FILIP1L: variants seen among roughly 807,000 people sequenced by gnomAD.
FILIP1L encodes the protein filamin A interacting protein 1 like.
FILIP1L carries 55 observed loss-of-function variants against 96.6 expected under a neutral mutation model. That is an observed-to-expected ratio of 0.57 (90% CI 0.46 to 0.71). The LOEUF (loss-of-function observed/expected upper bound fraction) is 0.71, where lower values mean the gene tolerates loss of function less well. FILIP1L is among the 30% of genes least tolerant of loss of function. The pLI is 0.00. For synonymous variants in FILIP1L, 467 were observed against 473.9 expected (o/e 0.99, Z 0.19); for missense variants, 1,304 against 1,321.2 (o/e 0.99, Z 0.20).
At chr3:100,082,480 T>G (rs1463943142) in intron 1 of FILIP1L, among the ~76,000 whole-genome samples, 1 of 152,194 alleles carries the variant, frequency 6.6e-6, no homozygotes, top group African/African-American at 2.4e-5. Flanking sequence ...TATTTTCTTC[T>G]ATCAGTGAGA....
At chr3:99,959,841 A>G (rs947312982) in intron 1 of FILIP1L, among the ~76,000 whole-genome samples, 2 of 152,190 alleles carry the variant, frequency 1.3e-5, no homozygotes, top group East Asian at 1.9e-4. Flanking sequence ...CAGTAAGATT[A>G]TGAGCATGGT....
chr3:100,013,214 GTGTTGTTGTTGTTGT>G (rs35047568), intron 1 of FILIP1L, among the ~76,000 whole-genome samples: 8 of 145,414 alleles, frequency 5.5e-5, no homozygotes, highest in Non-Finnish European at 6.0e-5. Flanking sequence ...GGCCAGTGAG[GTGTTGTTGTTGTTGT>G]TGTTGTTGTT....
At position 99,977,782 on chromosome 3, in the gene FILIP1L, T is replaced by C. The variant is rs145336226; in HGVS notation, c.-10-46752A>G. On this transcript the variant is annotated intron_variant, in intron 1 of 5. Transcript: ENST00000477258. ...CTACTGGGTCAGTTCCTTCATAAACTAGTTAACTTACTTTGTCTGATGGCC... is the reference window on the plus strand; with the variant it reads ...CTACTGGGTCAGTTCCTTCATAAACCAGTTAACTTACTTTGTCTGATGGCC... Among the ~76,000 whole-genome samples, 688 of 152,300 alleles carry C rather than the reference T, an allele frequency of 4.5e-3. 7 individuals are homozygous for C. Among genetic ancestry groups the C allele is most frequent in the African/African-American group, 0.016 (674 of 41,564 alleles).
At chr3:100,023,981 A>G (rs1214226827) in intron 1 of FILIP1L, among the ~76,000 whole-genome samples, 1 of 152,152 alleles carries the variant, frequency 6.6e-6, no homozygotes, top group Non-Finnish European at 1.5e-5. Flanking sequence ...ATACCAACCT[A>G]TGATTCTCAG....
intron 1 of FILIP1L, among the ~76,000 whole-genome samples, chr3:100,093,028 C>T (rs1159487475): frequency 6.6e-6 from 1 of 151,758 alleles, no homozygotes; most frequent in Non-Finnish European, 1.5e-5. Flanking sequence ...TTCATAAATA[C>T]GTTGAAGGAG....
chr3:99,914,520 C>T (rs929376243), intron 4 of FILIP1L, among the ~76,000 whole-genome samples: 3 of 152,126 alleles, frequency 2.0e-5, no homozygotes, highest in African/African-American at 7.2e-5. Context: ...TCACTTTATA[C>T]TCTTTACAAC....
chr3:100,028,232 C>T (rs1395278855), intron 1 of FILIP1L, among the ~76,000 whole-genome samples: 1 of 152,186 alleles, frequency 6.6e-6, no homozygotes, highest in Non-Finnish European at 1.5e-5. Flanking sequence ...GATGAGGAAA[C>T]TCAGACACAC....
chr3:99,876,559 C>T (rs1240332099), intron 4 of FILIP1L, among the ~76,000 whole-genome samples: 3 of 152,142 alleles, frequency 2.0e-5, no homozygotes, highest in Non-Finnish European at 4.4e-5. Context: ...ATTCATTATA[C>T]TTTTTATTTT....
intron 1 of FILIP1L, among the ~76,000 whole-genome samples, chr3:100,112,277 G>A (rs1012805139): frequency 4.6e-5 from 7 of 152,076 alleles, no homozygotes; most frequent in African/African-American, 1.7e-4. Flanking sequence ...TTTGCTTTAG[G>A]TTAGAACATA....
intron 4 of FILIP1L, among the ~76,000 whole-genome samples, chr3:99,852,439 A>ATTTAT (rs944710834): frequency 2.0e-5 from 3 of 151,320 alleles, no homozygotes; most frequent in African/African-American, 4.9e-5. Context: ...AGAACTTTTT[A>ATTTAT]TTTATTTTAT....
chr3:99,848,286 A>C lies in FILIP1L; in HGVS notation c.3381+9T>G, dbSNP rs1559654828. 1 of 1,613,780 alleles carries C rather than the reference A, an allele frequency of 6.2e-7. No homozygotes were observed. Among genetic ancestry groups the C allele is most frequent in the African/African-American group, 1.3e-5 (1 of 74,914 alleles). On this transcript the variant is annotated intron_variant, in intron 5 of 5. Coordinates refer to ENST00000477258, the MANE Select transcript of FILIP1L (RefSeq NM_001387850.1). ...AGGGTGAGCGTGGTCAGTTATATAT[A>C]TTACTTACTGTAATTTGTGATTGTC... is the stretch of plus-strand genomic sequence containing the variant.
In FILIP1L at chr3:99,971,404, C is replaced by T. The variant is rs1292515102; in HGVS notation, c.-10-40374G>A. On this transcript the variant is annotated intron_variant, in intron 1 of 5. Coordinates refer to ENST00000477258, the MANE Select transcript of FILIP1L (RefSeq NM_001387850.1). ...GAGATCACCACACAAGGAAAGAAGTCCATTTGAAAGGAGAGATGAGGAGTC... is the reference window on the plus strand; with the variant it reads ...GAGATCACCACACAAGGAAAGAAGTTCATTTGAAAGGAGAGATGAGGAGTC... Among the ~76,000 whole-genome samples the T allele has an allele frequency of 2.0e-5, 3 of 151,582 alleles. No individual in the cohort carries two copies. In the East Asian group the frequency reaches 5.8e-4, roughly 29 times the overall value.
At chr3:99,911,758 A>G (rs763243322) in intron 4 of FILIP1L, among the ~76,000 whole-genome samples, 1 of 152,142 alleles carries the variant, frequency 6.6e-6, no homozygotes, top group Non-Finnish European at 1.5e-5. Flanking sequence ...ACAGCTCACA[A>G]TTAATTAACT....
intron 5 of FILIP1L, among the ~76,000 whole-genome samples, chr3:99,845,409 G>A (rs546624389): frequency 6.6e-6 from 1 of 152,228 alleles, no homozygotes; most frequent in African/African-American, 2.4e-5. Context: ...TGAAAGAATG[G>A]TATGAGTTTT....
intron 4 of FILIP1L, among the ~76,000 whole-genome samples, chr3:99,861,553 G>A (rs1487238103): frequency 2.6e-5 from 4 of 152,154 alleles, no homozygotes; most frequent in East Asian, 1.9e-4. Flanking sequence ...CTCTGCAGTT[G>A]ATTTTGTACT....
intron 1 of FILIP1L, among the ~76,000 whole-genome samples, chr3:100,080,616 G>A (rs897939000): frequency 2.0e-5 from 3 of 152,234 alleles, no homozygotes; most frequent in Non-Finnish European, 4.4e-5. Context: ...TAGGTATGAA[G>A]GAGTGATGCC....
At chr3:100,036,591 A>G (rs2065111943) in intron 1 of FILIP1L, among the ~76,000 whole-genome samples, 1 of 152,250 alleles carries the variant, frequency 6.6e-6, no homozygotes, top group Non-Finnish European at 1.5e-5. Flanking sequence ...TAAATGTAGA[A>G]GAAATATAGA....
At chr3:100,111,800 A>C (rs996790307) in intron 1 of FILIP1L, among the ~76,000 whole-genome samples, 1 of 152,224 alleles carries the variant, frequency 6.6e-6, no homozygotes, top group African/African-American at 2.4e-5. Context: ...CAAAATGTCA[A>C]CATCCCTCAA....
intron 4 of FILIP1L, among the ~76,000 whole-genome samples, chr3:99,882,245 G>C (rs1462345708): frequency 3.9e-5 from 6 of 152,140 alleles, no homozygotes; most frequent in Admixed American, 3.9e-4. Flanking sequence ...GTCCCTTTCG[G>C]TTCCAAATTC....
Sources: gnomAD v4.1 joint callset for allele counts (sites outside exome capture counted in the v4.1 genomes callset) on GRCh38, gnomAD v4.1.1 for gene constraint, MANE v1.5 for transcripts, NCBI Gene and HGNC (gene_info 2026-07-23, HGNC 2026-07-21) for gene names.